EYA2: variants seen among roughly 807,000 people sequenced by gnomAD.
EYA2 encodes protein phosphatase EYA2.
A neutral mutation model predicts 69.2 loss-of-function variants in EYA2; 31 were observed. The ratio of observed to expected loss-of-function variants is 0.45; its 90% CI spans 0.34 to 0.60. The LOEUF is 0.60. EYA2 is among the 20% of genes least tolerant of loss of function. The pLI, the probability that EYA2 is intolerant of heterozygous loss-of-function variation, is 0.02. For missense variants in EYA2, 622 were observed against 701.2 expected (o/e 0.89, Z 1.28); for synonymous variants, 257 against 279.4 (o/e 0.92, Z 0.80).
At chr20:47,063,272 A>G (rs1410765597) in intron 5 of EYA2, among the ~76,000 whole-genome samples, 1 of 152,018 alleles carries the variant, frequency 6.6e-6, no homozygotes, top group Non-Finnish European at 1.5e-5. Context: ...TTGTCTCTGT[A>G]GACTATCTTA....
chr20:46,961,100 C>T (rs1333870311), intron 1 of EYA2, among the ~76,000 whole-genome samples: 3 of 152,134 alleles, frequency 2.0e-5, no homozygotes, highest in Non-Finnish European at 2.9e-5. Context: ...TCTGGGAGGC[C>T]GAGGCAGGCG....
intron 1 of EYA2, among the ~76,000 whole-genome samples, chr20:46,953,407 C>G (rs143040037): frequency 1.3e-5 from 2 of 151,994 alleles, no homozygotes; most frequent in African/African-American, 2.4e-5. Context: ...TTTTCCTGTT[C>G]GGTGGAAAGG....
intron 1 of EYA2, chr20:46,979,611 A>G (rs1980692188): frequency 6.6e-6 from 1 of 152,134 alleles, no homozygotes; most frequent in South Asian, 2.1e-4. Flanking sequence ...CATAGAGAAT[A>G]AGCTGGTCTC....
intron 5 of EYA2, among the ~76,000 whole-genome samples, chr20:47,021,118 C>T (rs1398053158): frequency 2.6e-5 from 4 of 152,314 alleles, no homozygotes; most frequent in Middle Eastern, 3.4e-3. Flanking sequence ...CACAAACTAA[C>T]GCTCTCTAAA....
intron 7 of EYA2, among the ~76,000 whole-genome samples, chr20:47,079,654 C>T (rs1390938460): frequency 6.6e-6 from 1 of 152,146 alleles, no homozygotes; most frequent in Non-Finnish European, 1.5e-5. Flanking sequence ...CTGGAAACAA[C>T]CTGGATACCA....
At chr20:47,099,337 C>G (rs1445675932) in intron 9 of EYA2, among the ~76,000 whole-genome samples, 1 of 152,206 alleles carries the variant, frequency 6.6e-6, no homozygotes, top group Non-Finnish European at 1.5e-5. Context: ...TTGAGGCCAG[C>G]CTGGGCAACA....
chr20:47,172,638 G>C, intron 11 of EYA2, 69 bp from the exon 12 acceptor site: 1 of 1,509,588 alleles, frequency 6.6e-7, no homozygotes, highest in Admixed American at 2.1e-5. Flanking sequence ...CACAGAGCCT[G>C]TGGTCTCCCA....
intron 10 of EYA2, among the ~76,000 whole-genome samples, chr20:47,145,672 GT>G (rs2033685317): frequency 6.6e-6 from 1 of 152,158 alleles, no homozygotes; most frequent in African/African-American, 2.4e-5. Flanking sequence ...GCCAAGGCGG[GT>G]GGATCACTTG....
At position 47,179,904 on chromosome 20, in the gene EYA2, C is replaced by G; in HGVS notation, c.1305C>G (p.Ile435Met). Residue 435 changes from isoleucine (I) to methionine (M), a missense_variant, in exon 13 of 16, where the codon ATC becomes ATG. Around this residue, in one of 2 missense-constraint regions of EYA2, gnomAD observed 257 missense variants for 351.5 expected, o/e 0.73. Transcript: ENST00000327619. Reference protein sequence around the residue: ...LTHSLKALNLINSRPNCVNVL... With the variant: ...LTHSLKALNLMNSRPNCVNVL... Reference sequence around the variant, plus strand: ...ACTCCCTGAAGGCACTAAACCTCATCAACTCCCGGCAAGTGGCAGCCCTCA... The same window carrying G: ...ACTCCCTGAAGGCACTAAACCTCATGAACTCCCGGCAAGTGGCAGCCCTCA... 6.2e-7 allele frequency: 1 copy of G among 1,613,468 alleles called. No individual in the cohort carries two copies. Among genetic ancestry groups the G allele is most frequent in the Non-Finnish European group, 8.5e-7 (1 of 1,179,482 alleles).
chr20:47,050,312 C>T (rs2030266461), intron 5 of EYA2, among the ~76,000 whole-genome samples: 2 of 152,154 alleles, frequency 1.3e-5, no homozygotes, highest in Non-Finnish European at 2.9e-5. Context: ...AAAACAAACA[C>T]AAAATATTCA....
At chr20:47,135,842 C>CAAAA (rs1266669397) in intron 9 of EYA2, among the ~76,000 whole-genome samples, 1 of 54,040 alleles carries the variant, frequency 1.9e-5, no homozygotes, top group East Asian at 4.4e-4. Context: ...AAAAAAAAAA[C>CAAAA]AAACAAACAA....
chr20:47,073,954 C>G (rs1453890650), intron 6 of EYA2, among the ~76,000 whole-genome samples: 2 of 152,286 alleles, frequency 1.3e-5, no homozygotes, highest in Non-Finnish European at 2.9e-5. Context: ...CGATCCCCTG[C>G]TGGTGTCTCC....
At chr20:47,162,928 CTTCCAGATCT>C (rs778212274) in intron 10 of EYA2, among the ~76,000 whole-genome samples, 14 of 152,064 alleles carry the variant, frequency 9.2e-5, no homozygotes, top group Non-Finnish European at 1.8e-4. Context: ...GATGTATGGG[CTTCCAGATCT>C]TTCTTTTTCC....
intron 5 of EYA2, among the ~76,000 whole-genome samples, chr20:47,060,135 A>G (rs1301152843): frequency 6.6e-6 from 1 of 152,238 alleles, no homozygotes. Flanking sequence ...CTGGAGCTGA[A>G]TAGTGTTCTA....
At chr20:46,902,571 C>T (rs1455609269) in intron 1 of EYA2, among the ~76,000 whole-genome samples, 2 of 152,214 alleles carry the variant, frequency 1.3e-5, no homozygotes, top group East Asian at 1.9e-4. Flanking sequence ...CGTGGTATAA[C>T]AAGAACTTCC....
chr20:47,009,604 C>T (rs566331715), intron 4 of EYA2, among the ~76,000 whole-genome samples: 1 of 152,224 alleles, frequency 6.6e-6, no homozygotes, highest in Admixed American at 6.5e-5. Flanking sequence ...TTATCATTCC[C>T]CTGCATTTTT....
At chr20:46,915,219 T>G (rs1158299998) in intron 1 of EYA2, among the ~76,000 whole-genome samples, 5 of 152,272 alleles carry the variant, frequency 3.3e-5, no homozygotes, top group African/African-American at 1.2e-4. Context: ...GGCTGCCACG[T>G]TTTTTCCTGA....
In EYA2 at chr20:47,183,656, G is replaced by T. The variant is rs369381335; in HGVS notation, c.1536+265G>T. On this transcript the variant is annotated intron_variant, in intron 15 of 15. Coordinates refer to ENST00000327619, the MANE Select transcript of EYA2 (RefSeq NM_005244.5). Reference sequence around the variant, plus strand: ...GACAACTGTTCGGGAGCCTAGAGACGCTCCGGCAGGGCAGGCTGGTGGGGG... The same window carrying T: ...GACAACTGTTCGGGAGCCTAGAGACTCTCCGGCAGGGCAGGCTGGTGGGGG... Among the ~76,000 whole-genome samples, 24 of 152,336 alleles carry T rather than the reference G, an allele frequency of 1.6e-4. No individual in the cohort carries two copies. In the East Asian group the frequency reaches 4.4e-3, roughly 28 times the overall value.
At chr20:46,941,135 G>T (rs1004037639) in intron 1 of EYA2, among the ~76,000 whole-genome samples, 1 of 152,216 alleles carries the variant, frequency 6.6e-6, no homozygotes, top group Non-Finnish European at 1.5e-5. Flanking sequence ...GTGCTGGATG[G>T]TGCCATGGGT....
Sources: allele counts gnomAD v4.1 joint callset (sites outside exome capture counted in the v4.1 genomes callset), GRCh38; gene constraint gnomAD v4.1.1; regional missense constraint gnomAD v4.1.1; transcripts MANE v1.5; gene names NCBI Gene and HGNC (gene_info 2026-07-23, HGNC 2026-07-21).